Variants in SLC4A4 observed in about 807,000 individuals in gnomAD.
SLC4A4 encodes solute carrier family 4 member 4, also known as electrogenic sodium bicarbonate cotransporter 1.
In SLC4A4, 27 loss-of-function variants were observed where a neutral mutation model predicts 111.5. The ratio of observed to expected loss-of-function variants is 0.24; its 90% CI spans 0.18 to 0.33. The LOEUF is 0.33. SLC4A4 is among the 10% of genes least tolerant of loss of function. The pLI, the probability that SLC4A4 is intolerant of heterozygous loss-of-function variation, is 1.00. For synonymous variants in SLC4A4, 443 were observed against 463.4 expected (o/e 0.96, Z 0.57); for missense variants, 909 against 1,315.5 (o/e 0.69, Z 4.78).
chr4:71,501,527 G>A (rs1249831383), intron 16 of SLC4A4, among the ~76,000 whole-genome samples: 2 of 148,798 alleles, frequency 1.3e-5, no homozygotes, highest in African/African-American at 4.9e-5. Context: ...TTGTTATCAG[G>A]TGTAATGTCT....
chr4:71,390,497 G>C (rs1424097878), intron 6 of SLC4A4, among the ~76,000 whole-genome samples: 1 of 152,134 alleles, frequency 6.6e-6, no homozygotes, highest in East Asian at 1.9e-4. Context: ...CAGAGCTGTG[G>C]TTTGTGACAA....
chr4:71,383,786 G>T (rs1308177681), intron 6 of SLC4A4, among the ~76,000 whole-genome samples: 1 of 151,876 alleles, frequency 6.6e-6, no homozygotes, highest in East Asian at 1.9e-4. Flanking sequence ...CTTTTTTCAT[G>T]ATATTAATAA....
chr4:71,319,256 T>C (rs1726940716), intron 3 of SLC4A4, among the ~76,000 whole-genome samples: 2 of 152,062 alleles, frequency 1.3e-5, no homozygotes, highest in Admixed American at 6.6e-5. Flanking sequence ...CTTTTCATTC[T>C]GTCTTTGGAA....
intron 2 of SLC4A4, among the ~76,000 whole-genome samples, chr4:71,095,203 T>C (rs1742506838): frequency 6.6e-6 from 1 of 152,196 alleles, no homozygotes; most frequent in South Asian, 2.1e-4. Context: ...TTTGGTGAAA[T>C]GCAGTACCTA....
At chr4:71,312,241 TAG>T (rs1329588680) in intron 3 of SLC4A4, among the ~76,000 whole-genome samples, 1 of 152,164 alleles carries the variant, frequency 6.6e-6, no homozygotes, top group Non-Finnish European at 1.5e-5. Context: ...AGTCCCTGAA[TAG>T]ACCAATAACA....
chr4:71,414,890 A>G (rs1405244627), intron 7 of SLC4A4, among the ~76,000 whole-genome samples: 2 of 152,246 alleles, frequency 1.3e-5, no homozygotes, highest in African/African-American at 4.8e-5. Context: ...GTAAGGCCAA[A>G]GTTAGAAATA....
chr4:71,505,878 G>A (rs1731371212), intron 16 of SLC4A4, among the ~76,000 whole-genome samples: 2 of 152,182 alleles, frequency 1.3e-5, no homozygotes, highest in African/African-American at 4.8e-5. Flanking sequence ...TATGGTATAA[G>A]GAAGAGGACA....
chr4:71,280,505 A>G (rs1232741984), intron 3 of SLC4A4, among the ~76,000 whole-genome samples: 1 of 152,148 alleles, frequency 6.6e-6, no homozygotes, highest in Non-Finnish European at 1.5e-5. Flanking sequence ...GTTTTCATCT[A>G]GGAGTTTTAT....
intron 1 of SLC4A4, among the ~76,000 whole-genome samples, chr4:71,084,316 T>C (rs1201325257): frequency 1.3e-5 from 2 of 152,070 alleles, no homozygotes; most frequent in Non-Finnish European, 2.9e-5. Flanking sequence ...TCTTTTCATA[T>C]GTATGTTTCA....
chr4:71,268,985 G>A (rs1209661976), intron 3 of SLC4A4, among the ~76,000 whole-genome samples: 1 of 152,178 alleles, frequency 6.6e-6, no homozygotes, highest in Non-Finnish European at 1.5e-5. Context: ...CATTATTCCT[G>A]TTTTAGAAAT....
In SLC4A4 at chr4:71,569,185, G is replaced by T. The variant is rs940640401; in HGVS notation, c.*1434G>T. On this transcript the variant is annotated 3_prime_UTR_variant, in exon 26 of 26. Coordinates refer to ENST00000264485, the MANE Select transcript of SLC4A4 (RefSeq NM_001098484.3). ...ACCACATATGAAAAAATCCATTAAG[G>T]GTCCAAGAAGTCTGTCCATATGAAA... 7.3e-5 allele frequency: 11 copies of T among 151,340 alleles called. No homozygotes were observed. Among genetic ancestry groups the T allele is most frequent in the African/African-American group, 2.7e-4 (11 of 41,270 alleles). 9.4% of individuals were successfully genotyped at this position (151,340 alleles called of 1,614,324 possible).
intron 2 of SLC4A4, among the ~76,000 whole-genome samples, chr4:71,097,667 C>T (rs115417107): frequency 0.022 from 3,300 of 152,196 alleles, 135 homozygotes; most frequent in African/African-American, 0.075. Flanking sequence ...CCCTTTTCTC[C>T]GCAATTTCAT....
In SLC4A4 at chr4:71,073,574, G is replaced by A. The variant is rs558764047; in HGVS notation, c.-65+10786G>A. ...AACCCCCACCTCTCCACCTATTCTG[G>A]TTGATTTTTCTCTGTAGCATTTATC... On this transcript the variant is annotated intron_variant, in intron 1 of 26. Coordinates refer to the SLC4A4 transcript ENST00000649996. 1.7e-3 allele frequency among the ~76,000 whole-genome samples: 254 copies of A among 152,036 alleles called. 1 individual carries two copies. The highest frequency in any genetic ancestry group is 0.01 in the Middle Eastern group (3 of 294).
intron 2 of SLC4A4, among the ~76,000 whole-genome samples, chr4:71,143,722 C>T (rs1454639652): frequency 3.9e-5 from 6 of 151,954 alleles, no homozygotes; most frequent in Non-Finnish European, 4.4e-5. Context: ...TTTACTGTGT[C>T]TTTTGGCTGC....
intron 3 of SLC4A4, among the ~76,000 whole-genome samples, chr4:71,275,972 A>C (rs1173810005): frequency 1.3e-5 from 2 of 152,230 alleles, no homozygotes; most frequent in African/African-American, 4.8e-5. Context: ...GAAACGAATG[A>C]ACATGAGAAT....
At chr4:71,466,713 G>T in intron 13 of SLC4A4, 136 bp downstream of exon 13, 1 of 902,122 alleles carries the variant, frequency 1.1e-6, no homozygotes, top group Non-Finnish European at 1.7e-6. Context: ...TGTGAGAGGT[G>T]AAAGGGCCTT....
At chr4:71,507,825 T>G (rs935862961) in intron 16 of SLC4A4, among the ~76,000 whole-genome samples, 4 of 152,188 alleles carry the variant, frequency 2.6e-5, no homozygotes, top group Non-Finnish European at 5.9e-5. Context: ...TACTTTAAAA[T>G]TGATCACATA....
intron 2 of SLC4A4, among the ~76,000 whole-genome samples, chr4:71,144,652 A>T (rs987996785): frequency 1.3e-5 from 2 of 151,424 alleles, no homozygotes; most frequent in African/African-American, 4.9e-5. Flanking sequence ...CTCCTTGAAG[A>T]GGTCCTTCAC....
intron 2 of SLC4A4, among the ~76,000 whole-genome samples, chr4:71,098,558 G>C (rs1179559839): frequency 2.6e-5 from 4 of 151,954 alleles, no homozygotes; most frequent in African/African-American, 9.7e-5. Flanking sequence ...TCCACAAAAA[G>C]AAACTGGCAT....
Sources: gnomAD v4.1 joint callset for allele counts (sites outside exome capture counted in the v4.1 genomes callset) on GRCh38, gnomAD v4.1.1 for gene constraint, MANE v1.5 for transcripts, NCBI Gene and HGNC (gene_info 2026-07-23, HGNC 2026-07-21) for gene names.